LINGO2: variants seen among roughly 807,000 people sequenced by gnomAD.
LINGO2 encodes leucine rich repeat and Ig domain containing 2.
Under a neutral mutation model 30.6 loss-of-function variants are expected in LINGO2, and 14 were observed. That is an observed-to-expected ratio of 0.46 (90% CI 0.30 to 0.72). The LOEUF is 0.72. Ranked by LOEUF, LINGO2 falls within the 30% of genes least tolerant of loss-of-function variation. The probability of loss-of-function intolerance (pLI) is 0.07; values close to 1 mark genes in which losing one functional copy is unlikely to be tolerated. For synonymous variants in LINGO2, 317 were observed against 288.5 expected, an observed-to-expected ratio of 1.10 and a Z score of -1.00; for missense variants, 729 against 751.7, an observed-to-expected ratio of 0.97 and a Z score of 0.35.
rs543589505 is a variant in LINGO2, at chr9:28,372,890, C to T, written c.-278-22G>A. On this transcript the variant is annotated intron_variant, in intron 2 of 5. Transcript: ENST00000379992. Reference sequence around the variant, plus strand: ...TCACCTAAAAAATACAAAACACACACAAAAAGGAAACTGAAATAAAAGCCA... The same window carrying T: ...TCACCTAAAAAATACAAAACACACATAAAAAGGAAACTGAAATAAAAGCCA... The T allele has an allele frequency of 6.6e-5, 10 of 152,388 alleles. 1 individual carries two copies. The highest frequency in any genetic ancestry group is 2.4e-4 in the African/African-American group (10 of 41,458). The allele number at this position is 152,388 out of a possible 1,614,324, so 9.4% of individuals were successfully genotyped here.
At chr9:28,595,624 A>T (rs1825137692) in intron 1 of LINGO2, among the ~76,000 whole-genome samples, 1 of 152,124 alleles carries the variant, frequency 6.6e-6, no homozygotes, top group African/African-American at 2.4e-5. Context: ...TAATACATAA[A>T]GTGAACAGGA....
At chr9:29,140,030 T>C in the LINGO2 span, among the ~76,000 whole-genome samples, 1 of 152,200 alleles carries the variant, frequency 6.6e-6, no homozygotes, top group Non-Finnish European at 1.5e-5. Flanking sequence ...ACAACATGCA[T>C]CCACAGAAAA....
chr9:28,771,959 C>T, the LINGO2 span, among the ~76,000 whole-genome samples: 1 of 152,102 alleles, frequency 6.6e-6, no homozygotes, highest in East Asian at 1.9e-4. Flanking sequence ...CATGGAATAA[C>T]TGAATGCCGT....
At chr9:28,544,989 TG>T (rs1375587664) in intron 1 of LINGO2, among the ~76,000 whole-genome samples, 2 of 151,678 alleles carry the variant, frequency 1.3e-5, no homozygotes, top group Non-Finnish European at 2.9e-5. Context: ...ATGTTAATTA[TG>T]TTATATATAT....
intron 5 of LINGO2, among the ~76,000 whole-genome samples, chr9:27,989,991 C>A (rs533279464): frequency 6.6e-6 from 1 of 152,114 alleles, no homozygotes; most frequent in African/African-American, 2.4e-5. Context: ...GCTCTAGGAA[C>A]CTCAATCAAG....
At chr9:29,132,520 C>A in the LINGO2 span, among the ~76,000 whole-genome samples, 1 of 152,116 alleles carries the variant, frequency 6.6e-6, no homozygotes, top group Non-Finnish European at 1.5e-5. Flanking sequence ...CAGGTGTAAC[C>A]AAGTAACCAA....
chr9:28,724,495 G>A, the LINGO2 span, among the ~76,000 whole-genome samples: 5 of 152,132 alleles, frequency 3.3e-5, no homozygotes, highest in East Asian at 7.7e-4. Flanking sequence ...TACAGCTAAT[G>A]CACTTGCCAT....
intron 1 of LINGO2, among the ~76,000 whole-genome samples, chr9:28,612,255 T>A (rs1177554545): frequency 1.3e-5 from 2 of 152,024 alleles, no homozygotes. Context: ...TAGAGATGAG[T>A]TCTTGCTATA....
intron 1 of LINGO2, among the ~76,000 whole-genome samples, chr9:28,526,130 A>G (rs1035714605): frequency 6.6e-6 from 1 of 151,860 alleles, no homozygotes; most frequent in Admixed American, 6.6e-5. Flanking sequence ...TTACACCTCA[A>G]TAAGGACATT....
At chr9:28,921,501 T>C in the LINGO2 span, among the ~76,000 whole-genome samples, 1 of 152,132 alleles carries the variant, frequency 6.6e-6, no homozygotes, top group African/African-American at 2.4e-5. Context: ...TAGAAAAAGG[T>C]ATTCTTTTTT....
chr9:28,127,995 A>T (rs966219395), intron 4 of LINGO2, among the ~76,000 whole-genome samples: 1 of 152,188 alleles, frequency 6.6e-6, no homozygotes, highest in Non-Finnish European at 1.5e-5. Flanking sequence ...AAGTGTCTCT[A>T]TTTAAAAAAT....
chr9:28,471,806 G>T (rs545495165), intron 2 of LINGO2, among the ~76,000 whole-genome samples: 17 of 152,218 alleles, frequency 1.1e-4, no homozygotes, highest in Middle Eastern at 3.4e-3. Context: ...TACAGCAAGA[G>T]AAATTTTCAC....
chr9:28,699,896 G>T, the LINGO2 span, among the ~76,000 whole-genome samples: 1 of 151,878 alleles, frequency 6.6e-6, no homozygotes, highest in Non-Finnish European at 1.5e-5. Context: ...GAACTCAGAC[G>T]GGTTATCTGC....
At chr9:28,539,234 G>T (rs1268001796) in intron 1 of LINGO2, among the ~76,000 whole-genome samples, 1 of 151,920 alleles carries the variant, frequency 6.6e-6, no homozygotes, top group East Asian at 1.9e-4. Flanking sequence ...TATAAAGTGG[G>T]TCTTTTAATA....
intron 5 of LINGO2, among the ~76,000 whole-genome samples, chr9:27,951,781 T>A (rs1296721559): frequency 2.6e-5 from 4 of 152,274 alleles, no homozygotes; most frequent in African/African-American, 9.6e-5. Context: ...AAAGAAGTAT[T>A]TCATAAACTT....
At chr9:28,211,693 A>G (rs1052750779) in intron 4 of LINGO2, among the ~76,000 whole-genome samples, 1 of 151,416 alleles carries the variant, frequency 6.6e-6, no homozygotes, top group Non-Finnish European at 1.5e-5. Context: ...CAGACCATTC[A>G]TATTCATGTG....
At chr9:29,180,157 C>T in the LINGO2 span, among the ~76,000 whole-genome samples, 1 of 152,100 alleles carries the variant, frequency 6.6e-6, no homozygotes, top group Non-Finnish European at 1.5e-5. Flanking sequence ...AACACTCTGC[C>T]CCCTGCCTCT....
the LINGO2 span, among the ~76,000 whole-genome samples, chr9:28,773,283 T>C: frequency 2.0e-5 from 3 of 148,804 alleles, no homozygotes; most frequent in Admixed American, 6.7e-5. Flanking sequence ...GAGAATGGCG[T>C]GAACCCAGGA....
chr9:28,705,622 A>C, the LINGO2 span, among the ~76,000 whole-genome samples: 1 of 152,244 alleles, frequency 6.6e-6, no homozygotes, highest in South Asian at 2.1e-4. Flanking sequence ...CAGAATCAGC[A>C]GGGGATCTTT....
Sources: gnomAD v4.1 joint callset for allele counts (sites outside exome capture counted in the v4.1 genomes callset) on GRCh38, gnomAD v4.1.1 for gene constraint, MANE v1.5 for transcripts, NCBI Gene and HGNC (gene_info 2026-07-23, HGNC 2026-07-21) for gene names.